MIS18A: variants seen among roughly 807,000 people sequenced by gnomAD.
MIS18A encodes the protein protein Mis18-alpha.
Under a neutral mutation model 25.0 loss-of-function variants are expected in MIS18A, and 14 were observed. That is an observed-to-expected ratio of 0.56 (90% CI 0.37 to 0.88). The LOEUF (loss-of-function observed/expected upper bound fraction) is 0.88, where lower values mean the gene tolerates loss of function less well. Among genes scored for constraint, MIS18A ranks in the 40% least tolerant of loss-of-function variants. MIS18A has a pLI of 0.00. For synonymous variants in MIS18A, 134 were observed against 118.6 expected (o/e 1.13, Z -0.84); for missense variants, 292 against 290.8 (o/e 1.00, Z -0.03).
chr21:32,216,232 T>C, the MIS18A span, among the ~76,000 whole-genome samples: 1 of 152,172 alleles, frequency 6.6e-6, no homozygotes, highest in African/African-American at 2.4e-5. Context: ...CCCTTACCCG[T>C]ACCCCCAGAT....
chr21:32,251,240 A>G, the MIS18A span, among the ~76,000 whole-genome samples: 2 of 152,192 alleles, frequency 1.3e-5, no homozygotes, highest in African/African-American at 4.8e-5. Context: ...CAAAAATCTC[A>G]GTGATTCTTT....
the MIS18A span, among the ~76,000 whole-genome samples, chr21:32,199,441 A>T: frequency 6.6e-6 from 1 of 152,156 alleles, no homozygotes; most frequent in Non-Finnish European, 1.5e-5. Flanking sequence ...AGAAAAAAAA[A>T]TTTAAAAAAA....
the MIS18A span, among the ~76,000 whole-genome samples, chr21:32,157,787 A>AT: frequency 1.3e-5 from 2 of 152,120 alleles, no homozygotes; most frequent in Non-Finnish European, 2.9e-5. Flanking sequence ...AGAAACTTAG[A>AT]TTTTTTTGAG....
chr21:32,199,536 G>A, the MIS18A span, among the ~76,000 whole-genome samples: 2 of 152,144 alleles, frequency 1.3e-5, no homozygotes, highest in South Asian at 4.1e-4. Context: ...GGCCGGGCGT[G>A]GTGGCTCATG....
the MIS18A span, among the ~76,000 whole-genome samples, chr21:32,237,090 C>T: frequency 6.8e-6 from 1 of 148,076 alleles, no homozygotes; most frequent in African/African-American, 2.5e-5. Context: ...CTTGCTTCAG[C>T]CAATGAGATG....
chr21:32,255,615 C>T, the MIS18A span, among the ~76,000 whole-genome samples: 5 of 148,294 alleles, frequency 3.4e-5, no homozygotes, highest in Non-Finnish European at 7.5e-5. Flanking sequence ...CTTGGCCAGG[C>T]GCGGTGGCTC....
At chr21:32,265,334 G>A (rs964890405), downstream of MIS18A, among the ~76,000 whole-genome samples, 3 of 152,238 alleles carry the variant, frequency 2.0e-5, no homozygotes, top group Non-Finnish European at 2.9e-5. Context: ...TGTGGAGGGA[G>A]AGGCACGAGC....
the MIS18A span, among the ~76,000 whole-genome samples, chr21:32,249,527 T>C: frequency 3.3e-5 from 5 of 152,320 alleles, no homozygotes; most frequent in East Asian, 9.7e-4. Flanking sequence ...CAAAATTATA[T>C]TCCAGAATTA....
the MIS18A span, among the ~76,000 whole-genome samples, chr21:32,164,760 C>A: frequency 6.6e-5 from 10 of 152,104 alleles, no homozygotes; most frequent in East Asian, 1.5e-3. Context: ...AGACATCCAG[C>A]ACACTCCATT....
At chr21:32,246,953 T>G in the MIS18A span, among the ~76,000 whole-genome samples, 3 of 152,178 alleles carry the variant, frequency 2.0e-5, no homozygotes, top group African/African-American at 7.2e-5. Context: ...ACGAGTTGCT[T>G]CTGACCAAAA....
At chr21:32,251,922 G>A in the MIS18A span, among the ~76,000 whole-genome samples, 3 of 152,064 alleles carry the variant, frequency 2.0e-5, no homozygotes, top group Non-Finnish European at 4.4e-5. Context: ...GCAACTAAAA[G>A]TCCATCTTAC....
At chr21:32,221,502 A>G in the MIS18A span, among the ~76,000 whole-genome samples, 1 of 152,066 alleles carries the variant, frequency 6.6e-6, no homozygotes, top group East Asian at 1.9e-4. Context: ...GAAAGGAAAA[A>G]CCGGTACCAG....
the MIS18A span, among the ~76,000 whole-genome samples, chr21:32,213,309 G>A: frequency 6.6e-6 from 1 of 152,212 alleles, no homozygotes; most frequent in African/African-American, 2.4e-5. Context: ...CACATAGATA[G>A]ACAAAAGGAA....
chr21:32,240,541 A>T, the MIS18A span, among the ~76,000 whole-genome samples: 2 of 152,224 alleles, frequency 1.3e-5, no homozygotes, highest in African/African-American at 4.8e-5. Context: ...AAACAAACTA[A>T]GACCGTGACC....
chr21:32,197,255 C>T, the MIS18A span, among the ~76,000 whole-genome samples: 1 of 151,898 alleles, frequency 6.6e-6, no homozygotes, highest in East Asian at 1.9e-4. Flanking sequence ...GTCAAAAAGA[C>T]ATTACCCTTT....
the MIS18A span, among the ~76,000 whole-genome samples, chr21:32,157,981 G>C: frequency 6.6e-6 from 1 of 152,262 alleles, no homozygotes; most frequent in East Asian, 1.9e-4. Context: ...TTTTACCAAA[G>C]ATTACCAAGG....
At chr21:32,242,669 C>T in the MIS18A span, among the ~76,000 whole-genome samples, 2 of 151,894 alleles carry the variant, frequency 1.3e-5, no homozygotes, top group Admixed American at 6.6e-5. Flanking sequence ...TTTTTTTCCC[C>T]ACAAATATGA....
chr21:32,270,054 A>G (rs2031684123), intron 3 of MIS18A, among the ~76,000 whole-genome samples: 1 of 152,200 alleles, frequency 6.6e-6, no homozygotes, highest in Non-Finnish European at 1.5e-5. Flanking sequence ...AGCCTGGGCG[A>G]CAGAGTGAGA....
chr21:32,266,168 G>A (rs1307818995), downstream of MIS18A, among the ~76,000 whole-genome samples: 1 of 152,174 alleles, frequency 6.6e-6, no homozygotes, highest in African/African-American at 2.4e-5. Context: ...GTTTGTGAAT[G>A]CACCAATCAA....
Sources: allele counts gnomAD v4.1 joint callset (sites outside exome capture counted in the v4.1 genomes callset), GRCh38; gene constraint gnomAD v4.1.1; transcripts MANE v1.5; gene names NCBI Gene and HGNC (gene_info 2026-07-23, HGNC 2026-07-21).